The following EZH2 variants were observed in gnomAD, a reference collection of about 807,000 sequenced individuals.
The protein encoded by EZH2 is enhancer of zeste 2 polycomb repressive complex 2 subunit, also known as histone-lysine N-methyltransferase EZH2.
A neutral mutation model predicts 98.4 loss-of-function variants in EZH2; 18 were observed. The observed-to-expected ratio is 0.18, with a 90% CI of 0.13 to 0.27. EZH2 has a LOEUF of 0.27. Among genes scored for constraint, EZH2 ranks in the 10% least tolerant of loss-of-function variants. EZH2 has a pLI of 1.00. For missense variants in EZH2, 470 were observed against 935.1 expected (o/e 0.50, Z 6.49); for synonymous variants, 338 against 312.3 (o/e 1.08, Z -0.87).
chr7:148,847,882 A>G (rs183401289), intron 1 of EZH2, among the ~76,000 whole-genome samples: 17 of 152,334 alleles, frequency 1.1e-4, no homozygotes, highest in Admixed American at 9.8e-4. Flanking sequence ...CTCTTGTGCC[A>G]CCTTTATTAA....
Position 148,846,529 on chromosome 7 carries a change from G to A in EZH2, c.187C>T (p.Arg63Ter), listed in dbSNP as rs2129484980. ...TEILNQEWKQ[R>*]RIQPVHILTS... ...AGGATGTGCACAGGCTGTATCCTTC[G>A]CTGTTTCCATTCTTGGTTTAAGATT... Residue 63 changes from arginine (R) to a stop codon, truncating the protein, a stop_gained, in exon 3 of 20, where the codon CGA becomes TGA. Transcript: ENST00000320356. LOFTEE classifies it high-confidence loss of function. The A allele has an allele frequency of 6.2e-7, 1 of 1,613,668 alleles. No homozygotes were observed. Among genetic ancestry groups the A allele is most frequent in the Non-Finnish European group, 8.5e-7 (1 of 1,179,864 alleles).
At chr7:148,840,885 G>A (rs1473783155) in intron 3 of EZH2, among the ~76,000 whole-genome samples, 1 of 152,064 alleles carries the variant, frequency 6.6e-6, no homozygotes, top group Admixed American at 6.5e-5. Context: ...AAGCACTTTT[G>A]TTTGTTTGGA....
At chr7:148,836,250 G>A (rs1810899687) in intron 3 of EZH2, among the ~76,000 whole-genome samples, 2 of 152,180 alleles carry the variant, frequency 1.3e-5, no homozygotes, top group Non-Finnish European at 2.9e-5. Context: ...TTCAAGCTAA[G>A]AGAGCACCTA....
intron 1 of EZH2, among the ~76,000 whole-genome samples, chr7:148,873,856 A>G (rs932812945): frequency 5.5e-5 from 2 of 36,296 alleles, no homozygotes; most frequent in African/African-American, 7.0e-4. Context: ...GAAGGGAAGG[A>G]GAGAGAAAAA....
At chr7:148,823,628 G>A (rs1484745077) in intron 8 of EZH2, among the ~76,000 whole-genome samples, 3 of 151,578 alleles carry the variant, frequency 2.0e-5, no homozygotes, top group Non-Finnish European at 4.4e-5. Flanking sequence ...GTCATTGGGA[G>A]ACTTTATTGT....
intron 3 of EZH2, among the ~76,000 whole-genome samples, chr7:148,834,613 A>G (rs1193983909): frequency 2.6e-5 from 4 of 152,206 alleles, no homozygotes; most frequent in Non-Finnish European, 5.9e-5. Flanking sequence ...GAACTGTGAC[A>G]GTGATTCATC....
chr7:148,855,411 T>C (rs1178288953), intron 1 of EZH2, among the ~76,000 whole-genome samples: 1 of 152,162 alleles, frequency 6.6e-6, no homozygotes, highest in Non-Finnish European at 1.5e-5. Context: ...ATTCCCTGGG[T>C]TCAGATCCAA....
intron 8 of EZH2, among the ~76,000 whole-genome samples, chr7:148,820,366 C>A (rs1805687696): frequency 6.6e-6 from 1 of 152,100 alleles, no homozygotes; most frequent in Admixed American, 6.6e-5. Flanking sequence ...GACAGCAGTG[C>A]TAACTTCACA....
At chr7:148,812,701 T>C (rs1433741482) in intron 15 of EZH2, among the ~76,000 whole-genome samples, 1 of 152,088 alleles carries the variant, frequency 6.6e-6, no homozygotes, top group Admixed American at 6.5e-5. Context: ...TGGTAAGTTG[T>C]TTGGGGGGGA....
chr7:148,838,062 CCT>C (rs1811361296), intron 3 of EZH2, among the ~76,000 whole-genome samples: 4 of 107,474 alleles, frequency 3.7e-5, no homozygotes, highest in African/African-American at 1.4e-4. Context: ...AGTTTAGACT[CCT>C]TTTTTTTTTT....
intron 12 of EZH2, among the ~76,000 whole-genome samples, chr7:148,816,468 C>A (rs1280473812): frequency 6.6e-6 from 1 of 152,232 alleles, no homozygotes; most frequent in African/African-American, 2.4e-5. Context: ...ATTTTTATGA[C>A]TCTTAACATA....
chr7:148,808,797 GAGA>G (rs1334668342), intron 19 of EZH2, among the ~76,000 whole-genome samples: 3 of 152,180 alleles, frequency 2.0e-5, no homozygotes, highest in Non-Finnish European at 4.4e-5. Flanking sequence ...GGCATGATAT[GAGA>G]AGGTCTAGGA....
chr7:148,836,646 T>C (rs920139955), intron 3 of EZH2, among the ~76,000 whole-genome samples: 1 of 152,076 alleles, frequency 6.6e-6, no homozygotes, highest in Non-Finnish European at 1.5e-5. Context: ...AATTAGATTC[T>C]CTAATTCCAG....
chr7:148,820,026 C>A (rs1384050409), intron 8 of EZH2, among the ~76,000 whole-genome samples: 1 of 152,196 alleles, frequency 6.6e-6, no homozygotes, highest in Non-Finnish European at 1.5e-5. Flanking sequence ...AGTTGATAGA[C>A]CCTCTACAAT....
At chr7:148,858,248 C>T (rs368689966) in intron 1 of EZH2, among the ~76,000 whole-genome samples, 3 of 151,558 alleles carry the variant, frequency 2.0e-5, no homozygotes, top group Non-Finnish European at 2.9e-5. Context: ...GCCTAGATAG[C>T]GCCACTGCAC....
intron 8 of EZH2, 144 bp from the exon 9 acceptor site, chr7:148,819,831 G>T: frequency 1.5e-6 from 1 of 664,786 alleles, no homozygotes; most frequent in Non-Finnish European, 2.5e-6. Context: ...TTTCCTTCAG[G>T]CTCTTACTGA....
At chr7:148,832,555 C>T in intron 4 of EZH2, 79 bp downstream of exon 4, 2 of 788,818 alleles carry the variant, frequency 2.5e-6, no homozygotes, top group African/African-American at 1.7e-5. Context: ...CTTGATTCAC[C>T]TTGACAATAA....
intron 6 of EZH2, 50 bp from the exon 7 acceptor site, chr7:148,827,316 T>C (rs781472658): frequency 1.1e-5 from 15 of 1,409,056 alleles, no homozygotes; most frequent in East Asian, 2.3e-5. Context: ...AAACAAGTTT[T>C]TGATCTTTCA....
intron 16 of EZH2, 31 bp downstream of exon 16, chr7:148,811,594 G>A: frequency 6.5e-7 from 1 of 1,535,888 alleles, no homozygotes; most frequent in Non-Finnish European, 9.0e-7. Context: ...TATATACAAT[G>A]CCACCTGAAT....
Sources: gnomAD v4.1 joint callset for allele counts (sites outside exome capture counted in the v4.1 genomes callset) on GRCh38, gnomAD v4.1.1 for gene constraint, MANE v1.5 for transcripts, NCBI Gene and HGNC (gene_info 2026-07-23, HGNC 2026-07-21) for gene names.